PRDM9: variants seen among roughly 807,000 people sequenced by gnomAD.
PRDM9 encodes the protein histone-lysine N-methyltransferase PRDM9.
Under a neutral mutation model 55.6 loss-of-function variants are expected in PRDM9, and 47 were observed. The observed-to-expected ratio is 0.85, with a 90% CI of 0.67 to 1.08. PRDM9 has a LOEUF of 1.08. PRDM9 is among the 50% of genes least tolerant of loss of function. PRDM9 has a pLI of 0.00. For missense variants in PRDM9, 867 were observed against 1,040.3 expected, an observed-to-expected ratio of 0.83 and a Z score of 2.29; for synonymous variants, 312 against 375.7, an observed-to-expected ratio of 0.83 and a Z score of 1.96.
At chr5:23,526,196 C>G in intron 10 of PRDM9, 37 bp from the exon 11 acceptor site, 1 of 1,586,188 alleles carries the variant, frequency 6.3e-7, no homozygotes, top group Non-Finnish European at 8.7e-7. Flanking sequence ...AAGGCCTGAA[C>G]AAAACATCTA....
In PRDM9 at chr5:23,521,067, A is replaced by G. The variant is rs754289228; in HGVS notation, c.396A>G (p.Glu132=). The change falls in exon 6 of 11, where the codon GAA becomes GAG. Residue 132 remains glutamate, a synonymous_variant. Coordinates refer to ENST00000296682, the MANE Select transcript of PRDM9 (RefSeq NM_020227.4). ...ASFSNESSLK[E]LSRTANLLNA... is the part of the protein sequence containing the mutation. ...TCAGTAATGAATCTAGTTTGAAAGA[A>G]TTGTCAAGAACAGCAAATTTACTGA... The G allele has an allele frequency of 3.1e-6, 5 of 1,614,242 alleles. No homozygotes were observed. In the Admixed American group the frequency reaches 8.3e-5, roughly 27 times the overall value.
intron 4 of PRDM9, among the ~76,000 whole-genome samples, chr5:23,515,035 C>T (rs1375975550): frequency 6.6e-6 from 1 of 151,320 alleles, no homozygotes; most frequent in Non-Finnish European, 1.5e-5. Context: ...GCGATCTCAG[C>T]TCACTGCAAC....
At chr5:23,524,205 G>T in intron 9 of PRDM9, 129 bp from the exon 10 acceptor site, 4 of 1,217,162 alleles carry the variant, frequency 3.3e-6, no homozygotes, top group Non-Finnish European at 4.8e-6. Flanking sequence ...GAAGGTTCCC[G>T]GAGGAGTGGT....
intron 9 of PRDM9, among the ~76,000 whole-genome samples, chr5:23,523,777 GA>G (rs1294304354): frequency 1.3e-5 from 2 of 152,246 alleles, no homozygotes; most frequent in East Asian, 3.9e-4. Context: ...TCAGAGAATA[GA>G]AAAATGAATC....
chr5:23,527,858 G>C lies in PRDM9; in HGVS notation c.*85G>C. The C allele has an allele frequency of 6.5e-7, 1 of 1,549,878 alleles. No homozygotes were observed. On this transcript the variant is annotated 3_prime_UTR_variant, in exon 11 of 11. Transcript: ENST00000296682. Reference sequence around the variant, plus strand: ...ACTTGCACACCCCAGCTGTGAGGTGGCTTCAGCGGAAGTCTGCTGACCCCT... The same window carrying C: ...ACTTGCACACCCCAGCTGTGAGGTGCCTTCAGCGGAAGTCTGCTGACCCCT...
chr5:23,509,687 C>A, intron 3 of PRDM9, 94 bp downstream of exon 3: 1 of 1,593,684 alleles, frequency 6.3e-7, no homozygotes. Flanking sequence ...TGGCATCTGC[C>A]CACAATTCCC....
rs769065945 is a variant in PRDM9 at position 23,526,427 on chromosome 5, C to T, written c.1339C>T (p.Arg447Cys). The T allele has an allele frequency of 3.6e-5, 58 of 1,614,148 alleles. No individual in the cohort carries two copies. The East Asian group carries it at 4.7e-4, about 13-fold the overall frequency. ...QEQQYPDPHSRNDKTKGQEIK... is the reference protein window; with the variant it reads ...QEQQYPDPHSCNDKTKGQEIK... ...GCAGCAATATCCAGATCCACACAGC[C>T]GTAATGACAAAACCAAAGGTCAAGA... The change falls in exon 11 of 11, where the codon CGT becomes TGT. Residue 447 changes from arginine to cysteine, a missense_variant. Transcript: ENST00000296682.
chr5:23,525,981 G>A (rs1436093112), intron 10 of PRDM9, among the ~76,000 whole-genome samples: 8 of 152,132 alleles, frequency 5.3e-5, no homozygotes, highest in Non-Finnish European at 1.0e-4. Flanking sequence ...CTGCCCTGAT[G>A]CTGGTTGAGG....
At position 23,526,598 on chromosome 5, in the gene PRDM9, G is replaced by C. The variant is rs761346163; in HGVS notation, c.1510G>C (p.Val504Leu). The change falls in exon 11 of 11, where the codon GTG (valine) becomes CTG (leucine). Residue 504 changes from valine (V) to leucine (L), a missense_variant. Physicochemically the swap from Val to Leu is conservative, Grantham distance 32. Coordinates refer to ENST00000296682, the MANE Select transcript of PRDM9 (RefSeq NM_020227.4). ...AGAAGAGTCCAGAACAGGCCAGAAA[G>C]TGAATCCAGGGAACACAGGCAAATT... ...MEEESRTGQK[V>L]NPGNTGKLFV... 6.2e-7 allele frequency: 1 copy of C among 1,614,136 alleles called. No individual in the cohort carries two copies. The highest frequency in any genetic ancestry group is 8.5e-7 in the Non-Finnish European group (1 of 1,180,052).
Position 23,528,054 on chromosome 5 carries a change from C to T in PRDM9, c.*281C>T. The T allele has an allele frequency of 1.9e-6, 1 of 537,986 alleles. No individual in the cohort carries two copies. The highest frequency in any genetic ancestry group is 3.3e-6 in the Non-Finnish European group (1 of 302,194). The allele number at this position is 537,986 out of a possible 1,614,324, so 33.3% of individuals were successfully genotyped here. ...CCTCCATTTTTTGTTTGTTTTTTTG[C>T]CTCCTGTTCTAATAAATTTTGTCTC... On this transcript the variant is annotated 3_prime_UTR_variant, in exon 11 of 11. Transcript: ENST00000296682.
chr5:23,510,632 A>G (rs576896312), intron 4 of PRDM9, among the ~76,000 whole-genome samples: 3 of 149,866 alleles, frequency 2.0e-5, no homozygotes, highest in African/African-American at 7.3e-5. Context: ...TGCTGGGATG[A>G]TGATGATGAT....
At chr5:23,522,063 A>T (rs374443900) in intron 6 of PRDM9, among the ~76,000 whole-genome samples, 1 of 152,204 alleles carries the variant, frequency 6.6e-6, no homozygotes. Context: ...ACCATTTTGT[A>T]AGTAGAAATG....
rs1739249913 is a variant in PRDM9, at chr5:23,517,988, T to A, written c.351+58T>A. ...CCTTCCTCATGGATCCAAACACAGGTAAGAGGAGGAGAATGTACAGACTAT... is the reference window on the plus strand; with the variant it reads ...CCTTCCTCATGGATCCAAACACAGGAAAGAGGAGGAGAATGTACAGACTAT... On this transcript the variant is annotated intron_variant, in intron 5 of 10. Transcript: ENST00000296682. 7.6e-6 allele frequency: 11 copies of A among 1,454,734 alleles called. No homozygotes were observed. In the Admixed American group the frequency reaches 1.8e-4, roughly 24 times the overall value. The allele number at this position is 1,454,734 out of a possible 1,614,324, so 90.1% of individuals were successfully genotyped here.
rs536047035 is a variant in PRDM9 at position 23,526,579 on chromosome 5, G to C, written c.1491G>C (p.Glu497Asp). 2.2e-5 allele frequency: 35 copies of C among 1,614,068 alleles called. No homozygotes were observed. Among genetic ancestry groups the C allele is most frequent in the African/African-American group, 2.7e-5 (2 of 74,930 alleles). ...CRVGKRIMEE[E>D]SRTGQKVNPG... ...TGGGAAAAAGAATAATGGAAGAAGAGTCCAGAACAGGCCAGAAAGTGAATC... is the reference window on the plus strand; with the variant it reads ...TGGGAAAAAGAATAATGGAAGAAGACTCCAGAACAGGCCAGAAAGTGAATC... The change falls in exon 11 of 11, where the codon GAG becomes GAC. Residue 497 changes from glutamate to aspartate, a missense_variant. Glu to Asp is a conservative substitution (Grantham distance 45). Around this residue, in one of 5 missense-constraint regions of PRDM9, gnomAD observed 662 missense variants for 711.9 expected, o/e 0.93. Transcript: ENST00000296682.
intron 10 of PRDM9, among the ~76,000 whole-genome samples, chr5:23,524,917 G>A (rs1000621837): frequency 3.3e-5 from 5 of 152,160 alleles, no homozygotes; most frequent in Non-Finnish European, 5.9e-5. Context: ...TCAATTAGCT[G>A]TCATGTGAAT....
rs1296348802 is a variant in PRDM9, at chr5:23,527,851, T to C, written c.*78T>C. On this transcript the variant is annotated 3_prime_UTR_variant, in exon 11 of 11. Coordinates refer to ENST00000296682, the MANE Select transcript of PRDM9 (RefSeq NM_020227.4). ...ACCACACACTTGCACACCCCAGCTG[T>C]GAGGTGGCTTCAGCGGAAGTCTGCT... is the stretch of plus-strand genomic sequence containing the variant. 1 of 1,575,340 alleles carries C rather than the reference T, an allele frequency of 6.3e-7. No homozygotes were observed. Among genetic ancestry groups the C allele is most frequent in the East Asian group, 2.3e-5 (1 of 44,348 alleles).
rs1313090439 is a variant in PRDM9, at chr5:23,527,674, C to T, written c.2586C>T (p.Cys862=). The T allele has an allele frequency of 5.7e-6, 9 of 1,584,166 alleles. No homozygotes were observed. Among genetic ancestry groups the T allele is most frequent in the Non-Finnish European group, 7.7e-6 (9 of 1,164,220 alleles). Residue 862 remains cysteine, a synonymous_variant, in exon 11 of 11, where the codon TGC becomes TGT. Coordinates refer to ENST00000296682, the MANE Select transcript of PRDM9 (RefSeq NM_020227.4). ...RTHTGEKPYV[C]RECGRGFSDR... ...ACACAGGGGAGAAGCCCTACGTCTG[C>T]AGGGAGTGTGGGCGGGGCTTTAGCG...
intron 9 of PRDM9, among the ~76,000 whole-genome samples, chr5:23,523,846 G>T (rs759382162): frequency 1.8e-4 from 27 of 152,142 alleles, no homozygotes; most frequent in Non-Finnish European, 3.4e-4. Flanking sequence ...GTTTCTCTGG[G>T]AATCTGGGGA....
chr5:23,509,418 C>T, intron 2 of PRDM9, 52 bp from the exon 3 acceptor site: 2 of 1,613,794 alleles, frequency 1.2e-6, no homozygotes, highest in Non-Finnish European at 8.5e-7. Flanking sequence ...AGGAAAAGGA[C>T]CAGCTTGATG....
Sources: allele counts gnomAD v4.1 joint callset (sites outside exome capture counted in the v4.1 genomes callset), GRCh38; gene constraint gnomAD v4.1.1; regional missense constraint gnomAD v4.1.1; transcripts MANE v1.5; gene names NCBI Gene and HGNC (gene_info 2026-07-23, HGNC 2026-07-21).